Variants in RORA observed in about 807,000 individuals in gnomAD.
RORA encodes nuclear receptor ROR-alpha.
Under a neutral mutation model 69.5 loss-of-function variants are expected in RORA, and 7 were observed. That is an observed-to-expected ratio of 0.10 (90% CI 0.06 to 0.19). RORA has a LOEUF of 0.19. RORA is among the 10% of genes least tolerant of loss of function. The pLI, the probability that RORA is intolerant of heterozygous loss-of-function variation, is 1.00. For missense variants in RORA, 457 were observed against 663.0 expected (o/e 0.69, Z 3.41); for synonymous variants, 261 against 240.8 (o/e 1.08, Z -0.78).
chr15:60,660,125 TG>T (rs2140715590), intron 2 of RORA, among the ~76,000 whole-genome samples: 1 of 152,332 alleles, frequency 6.6e-6, no homozygotes, highest in African/African-American at 2.4e-5. Flanking sequence ...AGCTAAGAGG[TG>T]AAACTGATTT....
intron 2 of RORA, among the ~76,000 whole-genome samples, chr15:60,561,792 G>T (rs1239399219): frequency 1.3e-5 from 2 of 152,044 alleles, no homozygotes; most frequent in East Asian, 3.9e-4. Context: ...CATAATATGG[G>T]ACTTCAGTGA....
intron 2 of RORA, among the ~76,000 whole-genome samples, chr15:60,630,044 T>C (rs1043151199): frequency 6.6e-6 from 1 of 152,212 alleles, no homozygotes; most frequent in Non-Finnish European, 1.5e-5. Context: ...GATTTGGCTA[T>C]TGGGCTATAA....
intron 1 of RORA, among the ~76,000 whole-genome samples, chr15:61,156,529 G>A (rs576946380): frequency 2.0e-5 from 3 of 152,186 alleles, no homozygotes; most frequent in South Asian, 2.1e-4. Context: ...GAGAGATGGC[G>A]CCAGAGAACA....
rs78736180 is a variant in RORA, at chr15:61,045,940, T to C, written c.166+183113A>G. On this transcript the variant is annotated intron_variant, in intron 1 of 10. Transcript: ENST00000335670. ...GAACAACAGGCACAACTATTGTCTC[T>C]GTCTCCTGGCAGTCTCCCCCAGACA... Among the ~76,000 whole-genome samples the C allele has an allele frequency of 6.4e-4, 98 of 152,330 alleles. 2 individuals are homozygous for C. The East Asian group carries it at 0.017, about 27-fold the overall frequency.
intron 1 of RORA, among the ~76,000 whole-genome samples, chr15:61,054,400 C>T (rs919430617): frequency 1.3e-5 from 2 of 151,874 alleles, no homozygotes; most frequent in Admixed American, 1.3e-4. Context: ...TCTTAAATGT[C>T]TCAAATGATA....
chr15:60,942,926 A>G (rs1892744565), intron 1 of RORA, among the ~76,000 whole-genome samples: 2 of 152,384 alleles, frequency 1.3e-5, no homozygotes, highest in South Asian at 4.1e-4. Context: ...AAGCCCTGTT[A>G]GAGTTGAAAT....
intron 1 of RORA, among the ~76,000 whole-genome samples, chr15:60,895,645 T>C (rs962525026): frequency 3.3e-5 from 5 of 152,160 alleles, no homozygotes; most frequent in Non-Finnish European, 7.4e-5. Context: ...AAAAATAAAA[T>C]AAAATAAACT....
intron 2 of RORA, chr15:60,558,266 T>C (rs1430416391): frequency 1.9e-6 from 3 of 1,612,672 alleles, no homozygotes; most frequent in African/African-American, 1.3e-5. Context: ...GAAGACAGGA[T>C]ACACTGATGG....
At chr15:60,913,880 C>T (rs1891798927) in intron 1 of RORA, among the ~76,000 whole-genome samples, 1 of 152,208 alleles carries the variant, frequency 6.6e-6, no homozygotes, top group Non-Finnish European at 1.5e-5. Context: ...TTTTCCATCT[C>T]ATAGTTCCCT....
chr15:61,073,416 G>A (rs10152411), intron 1 of RORA, among the ~76,000 whole-genome samples: 32,949 of 151,184 alleles, frequency 0.22, 3,960 homozygotes, highest in Non-Finnish European at 0.27. Context: ...TTCAGGGTTG[G>A]AATGGGCAGT....
At chr15:60,600,989 A>G (rs891848103) in intron 2 of RORA, 3 of 152,222 alleles carry the variant, frequency 2.0e-5, no homozygotes, top group Non-Finnish European at 2.9e-5. Flanking sequence ...ACTGGGGCAC[A>G]GAGAAATTAA....
At chr15:60,684,037 C>T (rs183603860) in intron 1 of RORA, among the ~76,000 whole-genome samples, 6 of 152,070 alleles carry the variant, frequency 3.9e-5, no homozygotes. Flanking sequence ...TGACTGACTT[C>T]TAATTGTCTC....
At chr15:61,200,699 C>T (rs748916558) in intron 1 of RORA, among the ~76,000 whole-genome samples, 8 of 152,134 alleles carry the variant, frequency 5.3e-5, no homozygotes, top group Non-Finnish European at 7.3e-5. Flanking sequence ...ACATCGGAGA[C>T]GGCCGTGATT....
At chr15:60,825,135 CT>C (rs2072939675) in intron 1 of RORA, among the ~76,000 whole-genome samples, 1 of 152,188 alleles carries the variant, frequency 6.6e-6, no homozygotes, top group African/African-American at 2.4e-5. Context: ...TCAGAGGTAT[CT>C]GTTGTCAACC....
intron 1 of RORA, among the ~76,000 whole-genome samples, chr15:61,068,402 CAT>C (rs2078294493): frequency 6.6e-6 from 1 of 152,184 alleles, no homozygotes; most frequent in African/African-American, 2.4e-5. Context: ...AGCCTCCACC[CAT>C]GAGAGTGTTT....
chr15:60,540,088 C>T (rs554841907), intron 2 of RORA, among the ~76,000 whole-genome samples: 2 of 152,260 alleles, frequency 1.3e-5, no homozygotes, highest in East Asian at 3.9e-4. Flanking sequence ...TTGTTTCCAA[C>T]AATGGTGTCC....
intron 3 of RORA, among the ~76,000 whole-genome samples, chr15:60,522,423 G>C (rs2066200527): frequency 6.6e-6 from 1 of 152,138 alleles, no homozygotes; most frequent in African/African-American, 2.4e-5. Context: ...GATTTAAAAA[G>C]TGATGGCCCA....
chr15:61,098,882 A>C (rs1274531542), intron 1 of RORA, among the ~76,000 whole-genome samples: 1 of 152,246 alleles, frequency 6.6e-6, no homozygotes, highest in Non-Finnish European at 1.5e-5. Flanking sequence ...GTGAATTAAG[A>C]GCATAAGTCT....
chr15:60,874,033 G>T (rs979323840), intron 1 of RORA, among the ~76,000 whole-genome samples: 1 of 152,124 alleles, frequency 6.6e-6, no homozygotes, highest in Non-Finnish European at 1.5e-5. Context: ...GCCAAGGCAT[G>T]AAGTCCTGAA....
Sources: allele counts gnomAD v4.1 joint callset (sites outside exome capture counted in the v4.1 genomes callset), GRCh38; gene constraint gnomAD v4.1.1; transcripts MANE v1.5; gene names NCBI Gene and HGNC (gene_info 2026-07-23, HGNC 2026-07-21).